The following LDLRAD4 variants were observed in gnomAD, a reference collection of about 807,000 sequenced individuals.
LDLRAD4 encodes the protein low-density lipoprotein receptor class A domain-containing protein 4.
Under a neutral mutation model 17.0 loss-of-function variants are expected in LDLRAD4, and 5 were observed. The ratio of observed to expected loss-of-function variants is 0.29; its 90% confidence interval spans 0.15 to 0.62. The LOEUF is 0.62. Among genes scored for constraint, LDLRAD4 ranks in the 20% least tolerant of loss-of-function variants. The pLI is 0.84. For synonymous variants in LDLRAD4, 168 were observed against 171.8 expected (o/e 0.98, Z 0.17); for missense variants, 340 against 424.7 (o/e 0.80, Z 1.75).
At chr18:13,243,673 C>G (rs892453160) in intron 1 of LDLRAD4, among the ~76,000 whole-genome samples, 6 of 150,106 alleles carry the variant, frequency 4.0e-5, no homozygotes, top group Admixed American at 3.3e-4. Context: ...TCCGTCTACC[C>G]ATCCATCTAT....
At chr18:13,438,439 A>G (rs2090809563) in intron 3 of LDLRAD4, 55 bp downstream of exon 4, 1 of 1,488,950 alleles carries the variant, frequency 6.7e-7, no homozygotes, top group Non-Finnish European at 9.3e-7. Flanking sequence ...TGAAACGGTT[A>G]GGAGGTGGGG....
exon 6 of LDLRAD4, chr18:13,650,392 G>A (rs1403449015): frequency 1.5e-5 from 6 of 398,968 alleles, no homozygotes; most frequent in Middle Eastern, 6.2e-4. Flanking sequence ...TGTGTAATGC[G>A]GGAGAGGGTT....
At chr18:13,382,886 G>A (rs960776495) in intron 1 of LDLRAD4, among the ~76,000 whole-genome samples, 2 of 152,368 alleles carry the variant, frequency 1.3e-5, no homozygotes, top group African/African-American at 2.4e-5. Context: ...AGTGTTGGGC[G>A]CAGTTCTTGC....
At chr18:13,453,782 G>A (rs1320680535) in intron 3 of LDLRAD4, among the ~76,000 whole-genome samples, 1 of 152,112 alleles carries the variant, frequency 6.6e-6, no homozygotes, top group East Asian at 1.9e-4. Flanking sequence ...TCCCTCTGTT[G>A]CCCCTCATTA....
chr18:13,616,934 G>A (rs1381142099), intron 3 of LDLRAD4, among the ~76,000 whole-genome samples: 3 of 152,192 alleles, frequency 2.0e-5, no homozygotes, highest in East Asian at 1.9e-4. Flanking sequence ...CCCCAGGGCC[G>A]ACGCTCATCC....
chr18:13,450,557 G>A (rs1193051213), intron 3 of LDLRAD4, among the ~76,000 whole-genome samples: 1 of 152,224 alleles, frequency 6.6e-6, no homozygotes, highest in Non-Finnish European at 1.5e-5. Flanking sequence ...ATGCGTGAGA[G>A]GCATGGGCTG....
At chr18:13,277,215 C>T (rs920021949), upstream of LDLRAD4, among the ~76,000 whole-genome samples, 3 of 152,122 alleles carry the variant, frequency 2.0e-5, no homozygotes. Context: ...CTTTGGGGTA[C>T]GAGCCTCCTG....
chr18:13,219,676 A>G (rs1490286558), intron 1 of LDLRAD4, among the ~76,000 whole-genome samples: 4 of 152,186 alleles, frequency 2.6e-5, no homozygotes, highest in Non-Finnish European at 4.4e-5. Context: ...TATGGCTGGT[A>G]AGGAGGTTGG....
intron 3 of LDLRAD4, among the ~76,000 whole-genome samples, chr18:13,566,426 A>G (rs571427739): frequency 6.7e-6 from 1 of 149,254 alleles, no homozygotes; most frequent in East Asian, 2.0e-4. Flanking sequence ...GCAGTGGCGC[A>G]ATCTTAGCTC....
rs140313417 is a variant in LDLRAD4, at chr18:13,400,539, C to T, written c.40+12777C>T. Among the ~76,000 whole-genome samples the T allele has an allele frequency of 8.8e-3, 1,335 of 152,214 alleles. 23 individuals carry two copies. Among genetic ancestry groups the T allele is most frequent in the African/African-American group, 0.03 (1,234 of 41,520 alleles). On this transcript the variant is annotated intron_variant, in intron 2 of 5. Transcript: ENST00000359446. ...GCAGTCCGTGCACACATGAGCAGCC[C>T]TGACTCTTAGAAACGTGGTGATGGG... is the stretch of plus-strand genomic sequence containing the variant.
chr18:13,344,669 G>A (rs74889360), intron 1 of LDLRAD4, among the ~76,000 whole-genome samples: 1 of 152,020 alleles, frequency 6.6e-6, no homozygotes, highest in Non-Finnish European at 1.5e-5. Flanking sequence ...AAATTACCTT[G>A]GGCAGTATGG....
chr18:13,466,338 C>T (rs1451949757), intron 3 of LDLRAD4, among the ~76,000 whole-genome samples: 6 of 151,778 alleles, frequency 4.0e-5, no homozygotes, highest in African/African-American at 1.2e-4. Flanking sequence ...GGGGTGGTGG[C>T]GGGTCCCTTT....
At chr18:13,541,898 G>C (rs977142228) in intron 3 of LDLRAD4, among the ~76,000 whole-genome samples, 10 of 152,134 alleles carry the variant, frequency 6.6e-5, no homozygotes, top group Non-Finnish European at 1.2e-4. Flanking sequence ...ATAGTGAGAT[G>C]TTGTCTCTAC....
chr18:13,260,642 A>T (rs987732218), intron 1 of LDLRAD4, among the ~76,000 whole-genome samples: 2 of 151,998 alleles, frequency 1.3e-5, no homozygotes, highest in Non-Finnish European at 2.9e-5. Flanking sequence ...TTTATTATTT[A>T]TTGTTGCTAT....
rs1375032326 is a variant in LDLRAD4 at position 13,284,965 on chromosome 18, G to A, written c.-383+6777G>A. Among the ~76,000 whole-genome samples the A allele has an allele frequency of 5.3e-5, 8 of 152,210 alleles. 1 individual carries two copies. Among genetic ancestry groups the A allele is most frequent in the South Asian group, 4.1e-4 (2 of 4,830 alleles). On this transcript the variant is annotated intron_variant, in intron 1 of 5. Coordinates refer to ENST00000359446, the Ensembl canonical transcript of LDLRAD4. ...GCGTCCTTTGGGGATGTGGCATGTC[G>A]GACGGGCTGTGCCTCTCAAGCCGAT... is the stretch of plus-strand genomic sequence containing the variant.
chr18:13,248,191 G>C (rs926172865), intron 1 of LDLRAD4, among the ~76,000 whole-genome samples: 1 of 152,108 alleles, frequency 6.6e-6, no homozygotes, highest in Non-Finnish European at 1.5e-5. Context: ...TCAAACTCCT[G>C]ACCTCGTGAT....
At chr18:13,266,651 C>A (rs193262626) in intron 1 of LDLRAD4, among the ~76,000 whole-genome samples, 23 of 152,402 alleles carry the variant, frequency 1.5e-4, no homozygotes, top group African/African-American at 5.5e-4. Flanking sequence ...AGGGCCTCCA[C>A]GCTCAGGCGC....
chr18:13,603,481 G>A (rs894277184), intron 3 of LDLRAD4, among the ~76,000 whole-genome samples: 1 of 152,198 alleles, frequency 6.6e-6, no homozygotes, highest in Non-Finnish European at 1.5e-5. Context: ...TCCTGGCATT[G>A]CCAGTTACTG....
chr18:13,280,592 G>C (rs1307703905), intron 1 of LDLRAD4, among the ~76,000 whole-genome samples: 1 of 152,164 alleles, frequency 6.6e-6, no homozygotes, highest in Non-Finnish European at 1.5e-5. Flanking sequence ...TGCTGCTGAC[G>C]TGATTAAGCA....
Sources: gnomAD v4.1 joint callset for allele counts (sites outside exome capture counted in the v4.1 genomes callset) on GRCh38, gnomAD v4.1.1 for gene constraint, MANE v1.5 for transcripts, NCBI Gene and HGNC (gene_info 2026-07-23, HGNC 2026-07-21) for gene names.